MTBP: variants seen among roughly 807,000 people sequenced by gnomAD.
MTBP encodes the protein MDM2 binding protein.
A neutral mutation model predicts 117.0 loss-of-function variants in MTBP; 101 were observed. The observed-to-expected ratio is 0.86, with a 90% CI of 0.73 to 1.02. The LOEUF (loss-of-function observed/expected upper bound fraction) is 1.02. Among genes scored for constraint, MTBP ranks in the 50% least tolerant of loss-of-function variants. MTBP has a pLI of 0.00. For synonymous variants in MTBP, 350 were observed against 351.5 expected, an observed-to-expected ratio of 1.00 and a Z score of 0.05; for missense variants, 970 against 1,030.9, an observed-to-expected ratio of 0.94 and a Z score of 0.81.
chr8:120,460,477 AC>A (rs1222216839), intron 8 of MTBP, among the ~76,000 whole-genome samples: 1 of 152,078 alleles, frequency 6.6e-6, no homozygotes, highest in African/African-American at 2.4e-5. Context: ...ACTTTGTGTA[AC>A]CTCTTCAAGA....
chr8:120,518,584 C>A, intron 19 of MTBP, 120 bp from the exon 20 acceptor site: 4 of 578,738 alleles, frequency 6.9e-6, no homozygotes, highest in South Asian at 6.1e-5. Flanking sequence ...CTTAATGAAC[C>A]TGTCTGTCTT....
intron 12 of MTBP, among the ~76,000 whole-genome samples, chr8:120,488,994 A>T (rs914065776): frequency 4.0e-5 from 6 of 149,258 alleles, no homozygotes; most frequent in Admixed American, 2.0e-4. Flanking sequence ...CTTTCCTCAC[A>T]GCTAGCTTGG....
chr8:120,463,027 A>G (rs1228069093), intron 9 of MTBP, among the ~76,000 whole-genome samples: 1 of 152,128 alleles, frequency 6.6e-6, no homozygotes, highest in Non-Finnish European at 1.5e-5. Context: ...AAGTTCTACA[A>G]CTTGAAAAAA....
chr8:120,515,355 G>A lies in MTBP; in HGVS notation c.1980-570G>A, dbSNP rs558283910. Among the ~76,000 whole-genome samples, 5 of 152,124 alleles carry A rather than the reference G, an allele frequency of 3.3e-5. 1 individual carries two copies. The highest frequency in any genetic ancestry group is 9.6e-5 in the African/African-American group (4 of 41,540). ...TGAGCTGACATTTCATTGATGCCCTGAATCAGATTCAGCTAGAAACCACAT... is the reference window on the plus strand; with the variant it reads ...TGAGCTGACATTTCATTGATGCCCTAAATCAGATTCAGCTAGAAACCACAT... On this transcript the variant is annotated intron_variant, in intron 17 of 21. Coordinates refer to ENST00000305949, the MANE Select transcript of MTBP (RefSeq NM_022045.5).
At position 120,523,546 on chromosome 8, in the gene MTBP, A is replaced by G; in HGVS notation, c.*210A>G. On this transcript the variant is annotated 3_prime_UTR_variant, in exon 22 of 22. Coordinates refer to ENST00000305949, the MANE Select transcript of MTBP (RefSeq NM_022045.5). ...ATTTTTAATTAGATACATATTTTGT[A>G]AAGTGTTACTATATTTTAAAGTTAT... 3.4e-6 allele frequency: 1 copy of G among 290,202 alleles called. No homozygotes were observed. The highest frequency in any genetic ancestry group is 6.3e-6 in the Non-Finnish European group (1 of 157,784). The allele number at this position is 290,202 out of a possible 1,614,324, so 18.0% of individuals were successfully genotyped here.
intron 2 of MTBP, among the ~76,000 whole-genome samples, chr8:120,446,994 C>T (rs943066898): frequency 4.6e-5 from 7 of 152,172 alleles, no homozygotes; most frequent in Admixed American, 1.3e-4. Context: ...TGAAGTATTT[C>T]GCTTTTTTGA....
At chr8:120,509,854 T>A in intron 16 of MTBP, 80 bp from the exon 17 acceptor site, 1 of 928,956 alleles carries the variant, frequency 1.1e-6, no homozygotes, top group Non-Finnish European at 1.6e-6. Context: ...AAGTCAGATT[T>A]GTTTCATTAG....
intron 11 of MTBP, among the ~76,000 whole-genome samples, chr8:120,475,397 CAGAT>C (rs1374493609): frequency 6.6e-6 from 1 of 151,994 alleles, no homozygotes; most frequent in African/African-American, 2.4e-5. Flanking sequence ...GTTCTCCAGA[CAGAT>C]AAAGAAAGAC....
rs1291702842 is a variant in MTBP, at chr8:120,508,957, C to G, written c.1884-977C>G. On this transcript the variant is annotated intron_variant, in intron 16 of 21. Transcript: ENST00000305949. ...TCTTCTTTCCCAGATTTTGATATAT[C>G]GCTGTAGTTCTAGGTGTGGAAAGGC... Among the ~76,000 whole-genome samples the G allele has an allele frequency of 4.6e-5, 7 of 152,104 alleles. No individual in the cohort carries two copies. The East Asian group carries it at 7.7e-4, about 17-fold the overall frequency.
intron 20 of MTBP, among the ~76,000 whole-genome samples, chr8:120,520,592 G>A (rs890462005): frequency 6.6e-6 from 1 of 152,034 alleles, no homozygotes; most frequent in African/African-American, 2.4e-5. Context: ...ATTCTTCAAC[G>A]AGTCACATAA....
At chr8:120,499,484 T>G (rs1188983626) in intron 14 of MTBP, among the ~76,000 whole-genome samples, 1 of 152,194 alleles carries the variant, frequency 6.6e-6, no homozygotes, top group African/African-American at 2.4e-5. Context: ...GAACTGAAAT[T>G]AGACAGGCTA....
At position 120,523,353 on chromosome 8, in the gene MTBP, T is replaced by G; in HGVS notation, c.*17T>G. Reference sequence around the variant, plus strand: ...AAGAAATGATACATAATCATTCTCTTTAAGACAATTATAAATTGGATGGAG... The same window carrying G: ...AAGAAATGATACATAATCATTCTCTGTAAGACAATTATAAATTGGATGGAG... On this transcript the variant is annotated 3_prime_UTR_variant, in exon 22 of 22. Transcript: ENST00000305949. 2.0e-6 allele frequency: 3 copies of G among 1,480,252 alleles called. No homozygotes were observed. The highest frequency in any genetic ancestry group is 2.8e-6 in the Non-Finnish European group (3 of 1,084,792). The allele number at this position is 1,480,252 out of a possible 1,614,324, so 91.7% of individuals were successfully genotyped here.
chr8:120,478,027 G>A (rs1813984416), intron 11 of MTBP, among the ~76,000 whole-genome samples: 1 of 152,136 alleles, frequency 6.6e-6, no homozygotes, highest in Non-Finnish European at 1.5e-5. Context: ...TGATAGACTG[G>A]ATAAAGAAAA....
intron 13 of MTBP, among the ~76,000 whole-genome samples, chr8:120,494,516 T>A (rs1243350272): frequency 6.6e-6 from 1 of 152,174 alleles, no homozygotes; most frequent in African/African-American, 2.4e-5. Flanking sequence ...TATCCTCAGC[T>A]CTTCCAGGTG....
At position 120,497,664 on chromosome 8, in the gene MTBP, TTAAA is replaced by T. The variant is rs1323527732; in HGVS notation, c.1609+114_1609+117del. 36 of 679,632 alleles carry T rather than the reference TTAAA, an allele frequency of 5.3e-5. 1 individual carries two copies. The highest frequency in any genetic ancestry group is 7.7e-5 in the Non-Finnish European group (32 of 416,080). The allele number at this position is 679,632 out of a possible 1,614,324, so 42.1% of individuals were successfully genotyped here. The stretch of plus-strand genomic sequence containing the variant: ...TCAAATCAAAATGTATTTCACAAAT[TTAAA>T]TAATAATAGATACTTATATAGATAC... On this transcript the variant is annotated intron_variant, in intron 14 of 21. Transcript: ENST00000305949.
intron 7 of MTBP, 110 bp from the exon 8 acceptor site, chr8:120,459,105 A>G (rs1813531481): frequency 1.1e-6 from 1 of 943,676 alleles, no homozygotes. Flanking sequence ...GGAATCAAAA[A>G]TAAATTTATA....
intron 20 of MTBP, 137 bp from the exon 21 acceptor site, chr8:120,522,517 T>G: frequency 1.2e-5 from 7 of 572,182 alleles, no homozygotes; most frequent in Non-Finnish European, 2.1e-5. Context: ...AGATTTTTTT[T>G]GTTGTTGTAG....
chr8:120,506,318 T>C (rs1814684296), intron 15 of MTBP, among the ~76,000 whole-genome samples: 1 of 152,136 alleles, frequency 6.6e-6, no homozygotes, highest in Non-Finnish European at 1.5e-5. Flanking sequence ...CAAAAATTTA[T>C]AGTATTGTGG....
intron 11 of MTBP, chr8:120,471,735 A>C (rs913524937): frequency 4.7e-4 from 71 of 152,268 alleles, no homozygotes; most frequent in African/African-American, 1.6e-3. Context: ...CAGATGAAGG[A>C]ATTGGAGCTT....
Sources: gnomAD v4.1 joint callset for allele counts (sites outside exome capture counted in the v4.1 genomes callset) on GRCh38, gnomAD v4.1.1 for gene constraint, MANE v1.5 for transcripts, NCBI Gene and HGNC (gene_info 2026-07-23, HGNC 2026-07-21) for gene names.